The following IMMP1L variants were observed in gnomAD, a reference collection of about 807,000 sequenced individuals.
IMMP1L encodes the protein inner mitochondrial membrane peptidase subunit 1, also known as mitochondrial inner membrane protease subunit 1.
Under a neutral mutation model 21.8 loss-of-function variants are expected in IMMP1L, and 24 were observed. The ratio of observed to expected loss-of-function variants is 1.10; its 90% CI spans 0.80 to 1.55. The LOEUF is 1.55. Among genes scored for constraint, IMMP1L ranks in the 40% most tolerant of loss-of-function variants. IMMP1L has a pLI of 0.00. For synonymous variants in IMMP1L, 46 were observed against 62.8 expected, an observed-to-expected ratio of 0.73 and a Z score of 1.26; for missense variants, 195 against 200.7, an observed-to-expected ratio of 0.97 and a Z score of 0.17.
At chr11:31,451,351 A>G (rs1429235801) in intron 4 of IMMP1L, among the ~76,000 whole-genome samples, 1 of 152,206 alleles carries the variant, frequency 6.6e-6, no homozygotes, top group East Asian at 1.9e-4. Flanking sequence ...TAAGCAAAGA[A>G]AACAGTTCAA....
intron 1 of IMMP1L, among the ~76,000 whole-genome samples, chr11:31,490,245 G>A (rs1031196425): frequency 6.6e-6 from 1 of 152,128 alleles, no homozygotes; most frequent in East Asian, 1.9e-4. Context: ...AGGCCAAGGT[G>A]GGTGGATCAC....
At chr11:31,496,961 T>C (rs1200942184) in intron 1 of IMMP1L, among the ~76,000 whole-genome samples, 2 of 144,736 alleles carry the variant, frequency 1.4e-5, no homozygotes, top group Non-Finnish European at 3.0e-5. Context: ...GTATATCATA[T>C]ATATCATCTA....
At chr11:31,473,080 C>T (rs1397645945) in intron 1 of IMMP1L, among the ~76,000 whole-genome samples, 1 of 151,890 alleles carries the variant, frequency 6.6e-6, no homozygotes, top group East Asian at 1.9e-4. Context: ...GACGGAGTCT[C>T]GCTCTGTCGC....
intron 1 of IMMP1L, among the ~76,000 whole-genome samples, chr11:31,495,833 T>C (rs1202719925): frequency 1.3e-5 from 2 of 152,100 alleles, no homozygotes; most frequent in Non-Finnish European, 2.9e-5. Flanking sequence ...AAGAATGAAG[T>C]TGGACTTTTG....
chr11:31,474,537 T>C (rs182832528), intron 1 of IMMP1L, among the ~76,000 whole-genome samples: 134 of 152,218 alleles, frequency 8.8e-4, no homozygotes, highest in African/African-American at 3.2e-3. Flanking sequence ...TCTGTTTATT[T>C]TGAATTAAAA....
chr11:31,506,908 C>T (rs572896579), intron 1 of IMMP1L, among the ~76,000 whole-genome samples: 32 of 151,742 alleles, frequency 2.1e-4, no homozygotes, highest in Middle Eastern at 3.4e-3. Flanking sequence ...TGCAGTAAGC[C>T]GAGATCATGC....
chr11:31,459,115 A>G (rs911012901), intron 3 of IMMP1L, among the ~76,000 whole-genome samples: 2 of 152,228 alleles, frequency 1.3e-5, no homozygotes, highest in African/African-American at 4.8e-5. Flanking sequence ...TTATTTTATA[A>G]TTCCTGTATC....
At chr11:31,478,392 G>A (rs890042147) in intron 1 of IMMP1L, among the ~76,000 whole-genome samples, 1 of 152,122 alleles carries the variant, frequency 6.6e-6, no homozygotes, top group African/African-American at 2.4e-5. Context: ...ATCATGCTCT[G>A]TAATTGAAAT....
chr11:31,432,559 G>C lies in IMMP1L; in HGVS notation c.442C>G (p.Leu148Val). The change falls in exon 6 of 6, where the codon CTG becomes GTG. Residue 148 changes from leucine (L) to valine (V), a missense_variant. Physicochemically the swap from Leu to Val is conservative, Grantham distance 32. Coordinates refer to ENST00000532287, the MANE Select transcript of IMMP1L (RefSeq NM_001304274.2). Reference sequence around the variant, plus strand: ...GCACGTAAAAATCCAAAATCACTCAGAGGCCAAATCTGTAAAATCAAAATG... The same window carrying C: ...GCACGTAAAAATCCAAAATCACTCACAGGCCAAATCTGTAAAATCAAAATG... ...RGRIFFKIWP[L>V]SDFGFLRASP... 1 of 1,611,306 alleles carries C rather than the reference G, an allele frequency of 6.2e-7. No individual in the cohort carries two copies.
intron 4 of IMMP1L, among the ~76,000 whole-genome samples, chr11:31,450,035 G>A (rs888801602): frequency 7.9e-5 from 12 of 151,874 alleles, no homozygotes; most frequent in African/African-American, 2.7e-4. Flanking sequence ...CAATAAATAA[G>A]GTTTTAATTG....
intron 1 of IMMP1L, among the ~76,000 whole-genome samples, chr11:31,505,093 A>G (rs17634367): frequency 0.25 from 38,007 of 152,022 alleles, 5,273 homozygotes; most frequent in Non-Finnish European, 0.32. Context: ...CACAGACACA[A>G]CAGTGATATG....
intron 4 of IMMP1L, among the ~76,000 whole-genome samples, chr11:31,451,241 T>C (rs1953744377): frequency 6.6e-6 from 1 of 152,106 alleles, no homozygotes; most frequent in African/African-American, 2.4e-5. Context: ...AAGAGTGACA[T>C]AATTGCTCTT....
intron 4 of IMMP1L, among the ~76,000 whole-genome samples, chr11:31,455,654 C>A (rs1458859206): frequency 6.6e-6 from 1 of 152,164 alleles, no homozygotes; most frequent in Non-Finnish European, 1.5e-5. Flanking sequence ...ATCATGTCTC[C>A]TTTGTCTGTT....
At chr11:31,453,094 T>C in intron 4 of IMMP1L, 1 of 1,289,332 alleles carries the variant, frequency 7.8e-7, no homozygotes, top group Non-Finnish European at 1.0e-6. Context: ...TCCAAATACC[T>C]AACAGTAAAA....
chr11:31,499,516 T>C (rs973622098), intron 1 of IMMP1L, among the ~76,000 whole-genome samples: 4 of 152,178 alleles, frequency 2.6e-5, no homozygotes, highest in Non-Finnish European at 5.9e-5. Context: ...TATAAAATCA[T>C]AGTGATAGGT....
At chr11:31,437,939 G>A (rs1241982049) in intron 4 of IMMP1L, among the ~76,000 whole-genome samples, 1 of 152,096 alleles carries the variant, frequency 6.6e-6, no homozygotes, top group South Asian at 2.1e-4. Flanking sequence ...TTTTACTTCT[G>A]AGAAGTATTC....
At chr11:31,471,861 A>T (rs1484673270) in intron 1 of IMMP1L, among the ~76,000 whole-genome samples, 1 of 152,230 alleles carries the variant, frequency 6.6e-6, no homozygotes, top group East Asian at 1.9e-4. Context: ...TTGATAGGTC[A>T]GAAGTCTAAC....
intron 4 of IMMP1L, among the ~76,000 whole-genome samples, chr11:31,455,927 G>A (rs2133629012): frequency 6.6e-6 from 1 of 152,102 alleles, no homozygotes; most frequent in Admixed American, 6.5e-5. Flanking sequence ...TCACCTCTAA[G>A]GTTTTTTCCC....
intron 1 of IMMP1L, among the ~76,000 whole-genome samples, chr11:31,470,797 A>G (rs1269726625): frequency 6.6e-6 from 1 of 152,206 alleles, no homozygotes; most frequent in African/African-American, 2.4e-5. Flanking sequence ...AGCCACAAAA[A>G]CCAATGAAAT....
Sources: allele counts gnomAD v4.1 joint callset (sites outside exome capture counted in the v4.1 genomes callset), GRCh38; gene constraint gnomAD v4.1.1; transcripts MANE v1.5; gene names NCBI Gene and HGNC (gene_info 2026-07-23, HGNC 2026-07-21).